The following TRAK1 variants were observed in gnomAD, a reference collection of about 807,000 sequenced individuals.
TRAK1 encodes the protein trafficking kinesin-binding protein 1.
In TRAK1, 33 loss-of-function variants were observed where a neutral mutation model predicts 92.1. The ratio of observed to expected loss-of-function variants is 0.36; its 90% CI spans 0.27 to 0.48. TRAK1 has a LOEUF of 0.48. Ranked by LOEUF, TRAK1 falls within the 20% of genes least tolerant of loss-of-function variation. The pLI is 0.99. For missense variants in TRAK1, 1,123 were observed against 1,257.9 expected, an observed-to-expected ratio of 0.89 and a Z score of 1.62; for synonymous variants, 521 against 517.3, an observed-to-expected ratio of 1.01 and a Z score of -0.10.
chr3:42,108,458 T>A (rs1302420533), intron 1 of TRAK1, among the ~76,000 whole-genome samples: 2 of 138,332 alleles, frequency 1.4e-5, no homozygotes, highest in Non-Finnish European at 3.0e-5. Context: ...ACCACTGCAC[T>A]CCAGCGTGGG....
intron 1 of TRAK1, among the ~76,000 whole-genome samples, chr3:42,037,973 A>G (rs1702387875): frequency 6.6e-6 from 1 of 152,112 alleles, no homozygotes; most frequent in Non-Finnish European, 1.5e-5. Context: ...TTTTCCTGAT[A>G]TGAGTTGTGT....
rs767883767 is a variant in TRAK1, at chr3:42,219,514, A to C, written c.1984A>C (p.Met662Leu). 6.3e-7 allele frequency: 1 copy of C among 1,591,676 alleles called. No individual in the cohort carries two copies. The highest frequency in any genetic ancestry group is 1.7e-5 in the Admixed American group (1 of 59,270). Residue 662 changes from methionine (M) to leucine (L), a missense_variant, in exon 15 of 16, where the codon ATG becomes CTG. Physicochemically the swap from Met to Leu is conservative, Grantham distance 15. This residue lies in a region of TRAK1 where 401 missense variants were observed against 438.9 expected (regional missense o/e 0.91). Transcript: ENST00000327628. ...TTTAGCGCACCATCCTGGGAAGTGC[A>C]TGTCTCAGACCAACTCCACCTTCAC... ...ETSAHHPGKC[M>L]SQTNSTFTFT...
intron 1 of TRAK1, among the ~76,000 whole-genome samples, chr3:42,122,037 C>G (rs1559796073): frequency 6.6e-6 from 1 of 152,028 alleles, no homozygotes; most frequent in South Asian, 2.1e-4. Context: ...AGTCAGGTCT[C>G]GAATTCCTGA....
At chr3:42,042,536 T>C (rs1237986041) in intron 1 of TRAK1, among the ~76,000 whole-genome samples, 1 of 151,910 alleles carries the variant, frequency 6.6e-6, no homozygotes, top group Non-Finnish European at 1.5e-5. Context: ...CATACCTGGC[T>C]AATTTTTGTA....
intron 1 of TRAK1, among the ~76,000 whole-genome samples, chr3:42,061,628 CAT>C (rs1391170665): frequency 6.6e-6 from 1 of 152,142 alleles, no homozygotes; most frequent in Non-Finnish European, 1.5e-5. Flanking sequence ...TCCCAGCCAT[CAT>C]GTGAGAATTC....
chr3:42,218,058 T>C, intron 14 of TRAK1: 1 of 985,418 alleles, frequency 1.0e-6, no homozygotes, highest in African/African-American at 1.7e-5. Flanking sequence ...GGAGCCTGCT[T>C]TGACACACAG....
At chr3:42,153,253 C>CA (rs1700145501) in intron 2 of TRAK1, among the ~76,000 whole-genome samples, 1 of 151,958 alleles carries the variant, frequency 6.6e-6, no homozygotes, top group South Asian at 2.1e-4. Context: ...AAAATAAAAA[C>CA]ATTAGCTGAA....
intron 2 of TRAK1, among the ~76,000 whole-genome samples, chr3:42,155,016 G>A (rs951728072): frequency 3.3e-5 from 5 of 151,880 alleles, no homozygotes; most frequent in African/African-American, 1.2e-4. Flanking sequence ...GTAGCTAGGT[G>A]CCCTGAGAAA....
intron 7 of TRAK1, 81 bp downstream of exon 7, chr3:42,191,717 T>G: frequency 2.8e-6 from 4 of 1,444,426 alleles, no homozygotes; most frequent in East Asian, 5.0e-5. Flanking sequence ...CTTGCTAAAG[T>G]GCAGTCTCCT....
chr3:42,163,723 A>G (rs1701544917), intron 2 of TRAK1, among the ~76,000 whole-genome samples: 1 of 152,074 alleles, frequency 6.6e-6, no homozygotes, highest in South Asian at 2.1e-4. Context: ...CTCATAGATA[A>G]CAGTGTATCT....
At chr3:42,088,347 C>T (rs570259182), upstream of TRAK1, among the ~76,000 whole-genome samples, 2 of 152,104 alleles carry the variant, frequency 1.3e-5, no homozygotes, top group South Asian at 4.1e-4. Flanking sequence ...CCCCACACAC[C>T]TCCTCTCCCT....
intron 14 of TRAK1, chr3:42,211,689 T>G: frequency 1.0e-6 from 1 of 985,282 alleles, no homozygotes; most frequent in Non-Finnish European, 1.2e-6. Flanking sequence ...GACTAAAGCT[T>G]ATCAAGTCAA....
chr3:42,205,007 A>C (rs1366968165), intron 13 of TRAK1, among the ~76,000 whole-genome samples: 2 of 152,242 alleles, frequency 1.3e-5, no homozygotes, highest in Non-Finnish European at 2.9e-5. Flanking sequence ...GGCTAGGTTC[A>C]GTACAGCTCT....
At chr3:42,126,493 G>C in intron 2 of TRAK1, among the ~76,000 whole-genome samples, 1 of 152,072 alleles carries the variant, frequency 6.6e-6, no homozygotes, top group Non-Finnish European at 1.5e-5. Context: ...TGTGAAACTT[G>C]ATATTGCAGA....
chr3:42,164,027 GAT>G (rs1422483597), intron 2 of TRAK1, among the ~76,000 whole-genome samples: 3 of 152,218 alleles, frequency 2.0e-5, no homozygotes, highest in Non-Finnish European at 4.4e-5. Flanking sequence ...AGATCAGAAA[GAT>G]AGCAACTTAG....
chr3:42,085,862 C>T (rs576729243), upstream of TRAK1, among the ~76,000 whole-genome samples: 18 of 152,072 alleles, frequency 1.2e-4, no homozygotes, highest in Non-Finnish European at 2.2e-4. Context: ...TATGAAAGTT[C>T]CATTAATTAG....
chr3:42,108,524 A>G (rs1576391503), intron 1 of TRAK1, among the ~76,000 whole-genome samples: 1 of 149,698 alleles, frequency 6.7e-6, no homozygotes, highest in Non-Finnish European at 1.5e-5. Context: ...AGATTCAAAC[A>G]TTCAACATTA....
At chr3:42,142,575 A>G (rs1241765292) in intron 2 of TRAK1, among the ~76,000 whole-genome samples, 1 of 152,138 alleles carries the variant, frequency 6.6e-6, no homozygotes, top group Non-Finnish European at 1.5e-5. Context: ...CCTTCCATGT[A>G]GGGTTGGCTT....
At chr3:42,036,907 A>G (rs1378447831) in intron 1 of TRAK1, among the ~76,000 whole-genome samples, 3 of 152,094 alleles carry the variant, frequency 2.0e-5, no homozygotes, top group Non-Finnish European at 4.4e-5. Flanking sequence ...ATGCCACCAC[A>G]CCTGGCTAAT....
Sources: gnomAD v4.1 joint callset for allele counts (sites outside exome capture counted in the v4.1 genomes callset) on GRCh38, gnomAD v4.1.1 for gene constraint, gnomAD v4.1.1 regional missense constraint, MANE v1.5 for transcripts, NCBI Gene and HGNC (gene_info 2026-07-23, HGNC 2026-07-21) for gene names.